The following SLC14A2 variants were observed in gnomAD, a reference collection of about 807,000 sequenced individuals.
SLC14A2 encodes urea transporter 2.
SLC14A2 carries 91 observed loss-of-function variants against 104.6 expected under a neutral mutation model. The ratio of observed to expected loss-of-function variants is 0.87; its 90% CI spans 0.73 to 1.04. SLC14A2 has a LOEUF of 1.04. Among genes scored for constraint, SLC14A2 ranks in the 50% least tolerant of loss-of-function variants. SLC14A2 has a pLI of 0.00. For synonymous variants in SLC14A2, 476 were observed against 466.4 expected (o/e 1.02, Z -0.27); for missense variants, 1,189 against 1,156.0 (o/e 1.03, Z -0.41).
At chr18:45,399,770 A>T (rs1025587099) in intron 1 of SLC14A2, among the ~76,000 whole-genome samples, 1 of 152,136 alleles carries the variant, frequency 6.6e-6, no homozygotes, top group Non-Finnish European at 1.5e-5. Context: ...GTGAGATTAC[A>T]TTTGGAGTTA....
intron 2 of SLC14A2, among the ~76,000 whole-genome samples, chr18:45,484,981 T>C (rs1039785496): frequency 3.3e-5 from 5 of 152,228 alleles, no homozygotes; most frequent in Admixed American, 3.3e-4. Context: ...CTGTTTCTTG[T>C]AATATCATTG....
At chr18:45,194,624 T>C in the SLC14A2 span, among the ~76,000 whole-genome samples, 1 of 149,406 alleles carries the variant, frequency 6.7e-6, no homozygotes, top group Non-Finnish European at 1.5e-5. Context: ...TGCATCTCTA[T>C]GAGGGATATT....
intron 10 of SLC14A2, chr18:45,647,739 A>G (rs554571902): frequency 6.6e-6 from 1 of 151,930 alleles, no homozygotes; most frequent in African/African-American, 2.4e-5. Context: ...TTGTTTGAGG[A>G]TTATTTAATA....
At chr18:45,288,783 A>G (rs779571905) in intron 1 of SLC14A2, among the ~76,000 whole-genome samples, 2 of 152,176 alleles carry the variant, frequency 1.3e-5, no homozygotes, top group African/African-American at 4.8e-5. Flanking sequence ...ACAATTGATC[A>G]TGCCATGCCC....
chr18:45,536,605 C>T (rs1051185023), intron 2 of SLC14A2, among the ~76,000 whole-genome samples: 6 of 152,276 alleles, frequency 3.9e-5, no homozygotes, highest in Admixed American at 3.3e-4. Context: ...AGTATGATCT[C>T]ATCTTAATTT....
At chr18:45,312,120 A>C (rs2085085087) in intron 1 of SLC14A2, among the ~76,000 whole-genome samples, 1 of 152,156 alleles carries the variant, frequency 6.6e-6, no homozygotes, top group Non-Finnish European at 1.5e-5. Context: ...AAGTTATCTA[A>C]CATTTCTGGA....
intron 1 of SLC14A2, among the ~76,000 whole-genome samples, chr18:45,468,306 G>C (rs1332783552): frequency 6.6e-6 from 1 of 152,010 alleles, no homozygotes; most frequent in Admixed American, 6.6e-5. Context: ...TCAAGGAAGA[G>C]GCAGTATCTT....
chr18:45,410,519 T>C (rs2086203764), intron 1 of SLC14A2, among the ~76,000 whole-genome samples: 1 of 152,166 alleles, frequency 6.6e-6, no homozygotes, highest in African/African-American at 2.4e-5. Flanking sequence ...CTATATTGAA[T>C]AACAAATCTT....
At chr18:45,544,651 T>G (rs554800277) in intron 2 of SLC14A2, among the ~76,000 whole-genome samples, 2 of 152,218 alleles carry the variant, frequency 1.3e-5, no homozygotes, top group South Asian at 4.2e-4. Flanking sequence ...CTTGGTTGTA[T>G]ATCCTTTTAG....
chr18:45,298,436 G>A (rs1315899737), intron 1 of SLC14A2, among the ~76,000 whole-genome samples: 3 of 152,204 alleles, frequency 2.0e-5, no homozygotes, highest in Non-Finnish European at 2.9e-5. Context: ...ATCCAAGGGC[G>A]TAGCAAGAGG....
chr18:45,171,216 G>C, the SLC14A2 span, among the ~76,000 whole-genome samples: 1 of 152,068 alleles, frequency 6.6e-6, no homozygotes, highest in Non-Finnish European at 1.5e-5. Flanking sequence ...TTGTTTATCT[G>C]AAATTCAAAT....
chr18:45,556,999 C>T (rs974716014), intron 2 of SLC14A2, among the ~76,000 whole-genome samples: 1 of 152,222 alleles, frequency 6.6e-6, no homozygotes, highest in Admixed American at 6.5e-5. Context: ...TGAGTCCAAC[C>T]AGGTTTATGC....
chr18:45,597,689 T>C (rs1241436229), intron 2 of SLC14A2, among the ~76,000 whole-genome samples: 1 of 152,146 alleles, frequency 6.6e-6, no homozygotes, highest in East Asian at 1.9e-4. Context: ...AGAGGGACTC[T>C]GCTACATATT....
At chr18:45,677,610 T>C (rs896265968) in intron 18 of SLC14A2, among the ~76,000 whole-genome samples, 2 of 152,196 alleles carry the variant, frequency 1.3e-5, no homozygotes, top group Non-Finnish European at 2.9e-5. Flanking sequence ...TGCTGACACA[T>C]AGGGAATGTC....
chr18:45,672,604 T>C, intron 16 of SLC14A2, among the ~76,000 whole-genome samples: 1 of 152,086 alleles, frequency 6.6e-6, no homozygotes. Flanking sequence ...TTCTAATCAA[T>C]AGTACCCTAC....
At chr18:45,181,096 C>G in the SLC14A2 span, 5 of 152,566 alleles carry the variant, frequency 3.3e-5, no homozygotes, top group African/African-American at 1.2e-4. Context: ...TGGTTCACCA[C>G]TGCAGGCCAT....
chr18:45,310,722 A>G (rs34621450), intron 1 of SLC14A2, among the ~76,000 whole-genome samples: 69 of 152,338 alleles, frequency 4.5e-4, no homozygotes, highest in Non-Finnish European at 6.5e-4. Context: ...GTCGGTCTCT[A>G]TAACAGCAAG....
At position 45,314,981 on chromosome 18, in the gene SLC14A2, G is replaced by A. The variant is rs907036807; in HGVS notation, c.-125+101790G>A. Among the ~76,000 whole-genome samples, 7 of 152,336 alleles carry A rather than the reference G, an allele frequency of 4.6e-5. No individual in the cohort carries two copies. In the South Asian group the frequency reaches 1.2e-3, roughly 27 times the overall value. ...TGTGGTAGCTGACTACCTGGGTTGC[G>A]TGGACTGAATGTGGCTTCGAGTTTG... is the stretch of plus-strand genomic sequence containing the variant. On this transcript the variant is annotated intron_variant, in intron 1 of 20. Coordinates refer to the SLC14A2 transcript ENST00000586448.
At chr18:45,244,341 G>T (rs55772547) in intron 1 of SLC14A2, among the ~76,000 whole-genome samples, 12,965 of 152,056 alleles carry the variant, frequency 0.085, 713 homozygotes, top group Non-Finnish European at 0.12. Flanking sequence ...GGGGAGGGGG[G>T]TGGTGCTGGG....
Sources: allele counts gnomAD v4.1 joint callset (sites outside exome capture counted in the v4.1 genomes callset), GRCh38; gene constraint gnomAD v4.1.1; transcripts MANE v1.5; gene names NCBI Gene and HGNC (gene_info 2026-07-23, HGNC 2026-07-21).